Variants in LDLRAD3 observed in about 807,000 individuals in gnomAD.
The protein encoded by LDLRAD3 is low density lipoprotein receptor class A domain containing 3.
Under a neutral mutation model 29.4 loss-of-function variants are expected in LDLRAD3, and 20 were observed. The ratio of observed to expected loss-of-function variants is 0.68; its 90% CI spans 0.48 to 0.99. LDLRAD3 has a LOEUF of 0.99. LDLRAD3 is among the 50% of genes least tolerant of loss of function. LDLRAD3 has a pLI of 0.00. For missense variants in LDLRAD3, 420 were observed against 454.3 expected (o/e 0.92, Z 0.69); for synonymous variants, 157 against 192.7 (o/e 0.81, Z 1.53).
chr11:36,116,891 G>C (rs1054593140), intron 4 of LDLRAD3, among the ~76,000 whole-genome samples: 3 of 149,714 alleles, frequency 2.0e-5, no homozygotes, highest in Non-Finnish European at 4.4e-5. Flanking sequence ...ACCCAGGCTG[G>C]ACTTCAGTAG....
At chr11:36,149,646 G>T (rs1298095572) in intron 4 of LDLRAD3, among the ~76,000 whole-genome samples, 1 of 152,212 alleles carries the variant, frequency 6.6e-6, no homozygotes, top group Non-Finnish European at 1.5e-5. Context: ...GGTGGCCAGG[G>T]TCTGTGGCTC....
At chr11:36,136,560 G>A (rs1854006949) in intron 4 of LDLRAD3, among the ~76,000 whole-genome samples, 1 of 152,114 alleles carries the variant, frequency 6.6e-6, no homozygotes, top group Admixed American at 6.6e-5. Flanking sequence ...ACTTGCTTCT[G>A]CTTTCACCAT....
In LDLRAD3 at chr11:35,967,700, A is replaced by G. The variant is rs577508815; in HGVS notation, c.46+23556A>G. The stretch of plus-strand genomic sequence containing the variant: ...ACAAGGTTTCATGTCCGGGTGCACC[A>G]TGCCAGAGTTGTGGCTGTATTTAAG... On this transcript the variant is annotated intron_variant, in intron 1 of 5. Transcript: ENST00000315571. The G allele has an allele frequency of 1.7e-5, 8 of 475,970 alleles. No individual in the cohort carries two copies. The East Asian group carries it at 3.2e-4, about 19-fold the overall frequency. 29.5% of individuals were successfully genotyped at this position (475,970 alleles called of 1,614,324 possible).
rs2901652 is a variant in LDLRAD3, at chr11:35,983,835, G to C, written c.46+39691G>C. 5.2e-3 allele frequency among the ~76,000 whole-genome samples: 794 copies of C among 152,156 alleles called. 18 individuals carry two copies. Among genetic ancestry groups the C allele is most frequent in the African/African-American group, 0.018 (765 of 41,494 alleles). The stretch of plus-strand genomic sequence containing the variant: ...ACACGGGGTTTCACCACGTTGGCCA[G>C]GCTGGCCTCGAACTCCTGACCTCAA... On this transcript the variant is annotated intron_variant, in intron 1 of 5. Transcript: ENST00000315571.
chr11:36,131,810 A>G (rs1051500559), intron 4 of LDLRAD3, among the ~76,000 whole-genome samples: 25 of 152,322 alleles, frequency 1.6e-4, no homozygotes, highest in African/African-American at 5.5e-4. Flanking sequence ...TGTATAGTCT[A>G]TATCACACAT....
At chr11:36,097,797 C>G (rs966727838) in intron 3 of LDLRAD3, among the ~76,000 whole-genome samples, 1 of 152,006 alleles carries the variant, frequency 6.6e-6, no homozygotes, top group Non-Finnish European at 1.5e-5. Context: ...AGCAAAATTT[C>G]TCCTGTACCC....
intron 4 of LDLRAD3, among the ~76,000 whole-genome samples, chr11:36,153,512 A>T (rs1400609646): frequency 6.6e-6 from 1 of 152,094 alleles, no homozygotes; most frequent in African/African-American, 2.4e-5. Flanking sequence ...CTCTCTTAGG[A>T]CATTGAGGCT....
intron 4 of LDLRAD3, among the ~76,000 whole-genome samples, chr11:36,195,298 TAGAAG>T: frequency 3.2e-4 from 1 of 3,166 alleles, no homozygotes; most frequent in Non-Finnish European, 8.1e-4. Context: ...TCTAGAAGCA[TAGAAG>T]CATCGTACTA....
At chr11:36,202,001 A>G (rs1590352152) in intron 4 of LDLRAD3, among the ~76,000 whole-genome samples, 1 of 150,000 alleles carries the variant, frequency 6.7e-6, no homozygotes. Flanking sequence ...TTTCATTTCC[A>G]CCTTGTGTCA....
rs571972536 is a variant in LDLRAD3 at position 36,146,347 on chromosome 11, T to C, written c.454+47886T>C. Among the ~76,000 whole-genome samples, 6 of 152,368 alleles carry C rather than the reference T, an allele frequency of 3.9e-5. No individual in the cohort carries two copies. The East Asian group carries it at 1.2e-3, about 29-fold the overall frequency. ...TAAGAGATGGCAAACTTTTTGTATG[T>C]TTCTCATAACCTTTTCTCTCTTTAT... On this transcript the variant is annotated intron_variant, in intron 4 of 5. Coordinates refer to ENST00000315571, the MANE Select transcript of LDLRAD3 (RefSeq NM_174902.4).
intron 3 of LDLRAD3, among the ~76,000 whole-genome samples, chr11:36,094,246 C>T (rs1264732126): frequency 6.6e-6 from 1 of 152,202 alleles, no homozygotes; most frequent in Admixed American, 6.5e-5. Context: ...ATTGATTTTT[C>T]ACTACAACAC....
intron 1 of LDLRAD3, among the ~76,000 whole-genome samples, chr11:36,029,068 C>A (rs1852202847): frequency 6.6e-6 from 1 of 152,144 alleles, no homozygotes. Flanking sequence ...TATGGGGAAA[C>A]CCCGTCTCTA....
intron 4 of LDLRAD3, among the ~76,000 whole-genome samples, chr11:36,100,718 G>A (rs964206909): frequency 1.3e-5 from 2 of 152,210 alleles, no homozygotes; most frequent in Admixed American, 1.3e-4. Flanking sequence ...ATTTACAGGC[G>A]TGAGCCACTG....
At chr11:36,112,978 A>C (rs1394253426) in intron 4 of LDLRAD3, among the ~76,000 whole-genome samples, 1 of 151,032 alleles carries the variant, frequency 6.6e-6, no homozygotes, top group East Asian at 2.0e-4. Flanking sequence ...GGTCAGTGTC[A>C]GTCAGTCATA....
chr11:36,143,119 T>A (rs1348036866), intron 4 of LDLRAD3, among the ~76,000 whole-genome samples: 1 of 152,224 alleles, frequency 6.6e-6, no homozygotes, highest in East Asian at 1.9e-4. Flanking sequence ...ACTTTACAGA[T>A]GAGGACATTG....
At chr11:36,224,344 C>G (rs2133391481) in intron 4 of LDLRAD3, among the ~76,000 whole-genome samples, 1 of 152,120 alleles carries the variant, frequency 6.6e-6, no homozygotes, top group South Asian at 2.1e-4. Flanking sequence ...AGCAGTGGCT[C>G]CAGGATTCCC....
intron 1 of LDLRAD3, chr11:35,967,680 G>A (rs553348551): frequency 4.2e-6 from 2 of 470,712 alleles, no homozygotes; most frequent in Non-Finnish European, 8.4e-6. Context: ...GTTTTACAAG[G>A]TTTCATGTCC....
At chr11:36,059,304 C>T (rs763262020) in intron 2 of LDLRAD3, among the ~76,000 whole-genome samples, 1 of 151,236 alleles carries the variant, frequency 6.6e-6, no homozygotes, top group Non-Finnish European at 1.5e-5. Flanking sequence ...CAGCAGTGAG[C>T]CATGATTGTA....
At chr11:36,124,048 C>G (rs1037497931) in intron 4 of LDLRAD3, among the ~76,000 whole-genome samples, 1 of 152,168 alleles carries the variant, frequency 6.6e-6, no homozygotes, top group African/African-American at 2.4e-5. Flanking sequence ...TCAGGGAATG[C>G]TTAATTATAT....
Sources: gnomAD v4.1 joint callset for allele counts (sites outside exome capture counted in the v4.1 genomes callset) on GRCh38, gnomAD v4.1.1 for gene constraint, MANE v1.5 for transcripts, NCBI Gene and HGNC (gene_info 2026-07-23, HGNC 2026-07-21) for gene names.